Variants in TMEM272 observed in about 807,000 individuals in gnomAD.
TMEM272 encodes transmembrane protein 272, also known as long intergenic non-protein coding RNA 282.
TMEM272 carries 8 observed loss-of-function variants against 3.7 expected under a neutral mutation model. The observed-to-expected ratio is 2.17, with a 90% CI of 1.27 to 3.91. TMEM272 has a LOEUF of 3.91. Ranked by LOEUF, TMEM272 falls within the 30% of genes most tolerant of loss-of-function variation. The probability of loss-of-function intolerance (pLI) is 0.00; values close to 1 mark genes in which losing one functional copy is unlikely to be tolerated. For missense variants in TMEM272, 166 were observed against 91.5 expected (o/e 1.81, Z -3.32); for synonymous variants, 63 against 39.8 (o/e 1.58, Z -2.20).
chr13:51,925,382 T>G, the TMEM272 span, among the ~76,000 whole-genome samples: 2 of 152,194 alleles, frequency 1.3e-5, no homozygotes, highest in Admixed American at 6.5e-5. Context: ...GTGAGCACTT[T>G]CCATAGAAAT....
chr13:51,840,253 A>G (rs1172916252), intron 1 of TMEM272, among the ~76,000 whole-genome samples: 2 of 152,030 alleles, frequency 1.3e-5, no homozygotes, highest in African/African-American at 4.8e-5. Context: ...TGGAAAGGAG[A>G]GGCTTCCCAA....
chr13:51,836,522 C>G (rs1179128404), intron 2 of TMEM272, among the ~76,000 whole-genome samples: 1 of 152,156 alleles, frequency 6.6e-6, no homozygotes, highest in East Asian at 1.9e-4. Context: ...CAGATGTTCC[C>G]TTGTGTTTGG....
intron 4 of TMEM272, among the ~76,000 whole-genome samples, 164 bp from the exon 5 acceptor site, chr13:51,817,277 T>C (rs1956040930): frequency 6.6e-6 from 1 of 152,152 alleles, no homozygotes; most frequent in Non-Finnish European, 1.5e-5. Flanking sequence ...ACAAATGCCA[T>C]CAAGCAACGA....
At chr13:51,864,769 T>C in the TMEM272 span, among the ~76,000 whole-genome samples, 1 of 152,218 alleles carries the variant, frequency 6.6e-6, no homozygotes. Context: ...TTACTAAATA[T>C]TGTGTGAGGG....
the TMEM272 span, among the ~76,000 whole-genome samples, chr13:51,875,998 T>C: frequency 6.6e-6 from 1 of 152,244 alleles, no homozygotes; most frequent in South Asian, 2.1e-4. Flanking sequence ...CTGCCTCTGG[T>C]CTGCTAGGTT....
chr13:51,816,756 C>A lies in TMEM272; in HGVS notation c.559G>T (p.Asp187Tyr). 1.4e-6 allele frequency: 1 copy of A among 697,652 alleles called. No homozygotes were observed. Among genetic ancestry groups the A allele is most frequent in the South Asian group, 1.5e-5 (1 of 67,342 alleles). The allele number at this position is 697,652 out of a possible 1,614,324, so 43.2% of individuals were successfully genotyped here. Residue 187 changes from aspartate (D) to tyrosine (Y), a missense_variant, in exon 5 of 5, where the codon GAC (aspartate) becomes TAC (tyrosine). By Grantham distance (160) the Asp-to-Tyr change is radical. Coordinates refer to ENST00000629372, the MANE Select transcript of TMEM272 (RefSeq NM_001351003.2). ...TATGCTGGACAAGGCAGCTGTCAGT[C>A]TTCATCGGCAGCAAGTCTCCACCTG... is the stretch of plus-strand genomic sequence containing the variant. ...CSRWRLAADE[D>Y]
the TMEM272 span, among the ~76,000 whole-genome samples, chr13:51,854,314 T>G: frequency 0.93 from 142,054 of 152,218 alleles, 66,522 homozygotes; most frequent in East Asian, 1. Context: ...GTAAGAATAC[T>G]TCCCCAACCC....
At chr13:51,899,459 T>C in the TMEM272 span, among the ~76,000 whole-genome samples, 2 of 152,210 alleles carry the variant, frequency 1.3e-5, no homozygotes, top group Non-Finnish European at 2.9e-5. Context: ...AATGCAAGTC[T>C]TATACACTAA....
intron 2 of TMEM272, among the ~76,000 whole-genome samples, chr13:51,838,134 A>G (rs1260704880): frequency 6.6e-6 from 1 of 152,210 alleles, no homozygotes. Flanking sequence ...AAAGCTACCC[A>G]GGTCCAAGGT....
At chr13:51,916,719 A>C in the TMEM272 span, among the ~76,000 whole-genome samples, 8 of 152,172 alleles carry the variant, frequency 5.3e-5, no homozygotes, top group African/African-American at 1.7e-4. Context: ...GAAATCCTTA[A>C]GTTTCATCTT....
chr13:51,842,751 C>T (rs1956273109), intron 1 of TMEM272, among the ~76,000 whole-genome samples: 1 of 152,148 alleles, frequency 6.6e-6, no homozygotes, highest in South Asian at 2.1e-4. Context: ...TTTCTGTTAC[C>T]ATTTGGTCTT....
chr13:51,885,491 T>A, the TMEM272 span, among the ~76,000 whole-genome samples: 1 of 152,164 alleles, frequency 6.6e-6, no homozygotes, highest in Non-Finnish European at 1.5e-5. Context: ...AAGAAGAGCA[T>A]GGGGTAAACT....
the TMEM272 span, among the ~76,000 whole-genome samples, chr13:51,930,129 C>CT: frequency 2.5e-5 from 1 of 39,256 alleles, no homozygotes; most frequent in Admixed American, 2.9e-4. Context: ...ATTTGCCTTC[C>CT]CCCCCCCCAC....
intron 1 of TMEM272, among the ~76,000 whole-genome samples, chr13:51,843,060 G>A (rs911651857): frequency 6.6e-6 from 1 of 152,194 alleles, no homozygotes; most frequent in Non-Finnish European, 1.5e-5. Context: ...ACCAGCACTG[G>A]GTGGCTGAAA....
At chr13:51,836,864 T>C (rs1956220665) in intron 2 of TMEM272, among the ~76,000 whole-genome samples, 1 of 152,188 alleles carries the variant, frequency 6.6e-6, no homozygotes, top group Non-Finnish European at 1.5e-5. Context: ...TCTGGCTGGA[T>C]TTTCCAGAGT....
chr13:51,851,886 G>C, the TMEM272 span, among the ~76,000 whole-genome samples: 1 of 152,134 alleles, frequency 6.6e-6, no homozygotes, highest in Non-Finnish European at 1.5e-5. Flanking sequence ...TTATGTAAGT[G>C]GTTCCCTATT....
At chr13:51,865,894 G>A in the TMEM272 span, 83 of 1,613,746 alleles carry the variant, frequency 5.1e-5, 1 homozygote, top group East Asian at 9.4e-4. Context: ...CCCTCCTTGA[G>A]GGGGAGAAAG....
At chr13:51,847,222 T>C (rs1379794617), upstream of TMEM272, among the ~76,000 whole-genome samples, 1 of 152,200 alleles carries the variant, frequency 6.6e-6, no homozygotes, top group African/African-American at 2.4e-5. Flanking sequence ...TACTGGTCCC[T>C]AGCCTTTTAG....
the TMEM272 span, among the ~76,000 whole-genome samples, chr13:51,895,297 A>G: frequency 1.3e-5 from 2 of 152,216 alleles, no homozygotes; most frequent in Non-Finnish European, 2.9e-5. Flanking sequence ...ACCCATAACC[A>G]GCATAGGCTC....
Sources: gnomAD v4.1 joint callset for allele counts (sites outside exome capture counted in the v4.1 genomes callset) on GRCh38, gnomAD v4.1.1 for gene constraint, MANE v1.5 for transcripts, NCBI Gene and HGNC (gene_info 2026-07-23, HGNC 2026-07-21) for gene names.